Variants in KIF27 observed in about 807,000 individuals in gnomAD.
The protein encoded by KIF27 is kinesin family member 27.
Under a neutral mutation model 141.8 loss-of-function variants are expected in KIF27, and 84 were observed. That is an observed-to-expected ratio of 0.59 (90% CI 0.50 to 0.71). The LOEUF (loss-of-function observed/expected upper bound fraction) is 0.71. Among genes scored for constraint, KIF27 ranks in the 30% least tolerant of loss-of-function variants. KIF27 has a pLI of 0.00. For synonymous variants in KIF27, 471 were observed against 569.5 expected (o/e 0.83, Z 2.46); for missense variants, 1,306 against 1,628.4 (o/e 0.80, Z 3.41).
chr9:83,851,510 C>T (rs1047405652), intron 15 of KIF27, among the ~76,000 whole-genome samples: 4 of 152,128 alleles, frequency 2.6e-5, no homozygotes, highest in African/African-American at 9.7e-5. Flanking sequence ...TGCCATCATG[C>T]CTGGCTAAGT....
At chr9:83,874,743 G>A (rs564565054) in intron 11 of KIF27, among the ~76,000 whole-genome samples, 1 of 151,946 alleles carries the variant, frequency 6.6e-6, no homozygotes, top group Non-Finnish European at 1.5e-5. Context: ...AGATCAGCCT[G>A]GGCAATATAG....
rs1349134683 is a variant in KIF27, at chr9:83,835,136, T to G, written c.*1865A>C. Among the ~76,000 whole-genome samples the G allele has an allele frequency of 1.3e-5, 2 of 150,028 alleles. No homozygotes were observed. Among genetic ancestry groups the G allele is most frequent in the African/African-American group, 4.9e-5 (2 of 41,090 alleles). On this transcript the variant is annotated 3_prime_UTR_variant, in exon 18 of 18. Coordinates refer to ENST00000297814, the MANE Select transcript of KIF27 (RefSeq NM_017576.4). Reference sequence around the variant, plus strand: ...TTTTACTTATGGAAATACAAACACATTTCCTTATATACTTGTATATGTACA... The same window carrying G: ...TTTTACTTATGGAAATACAAACACAGTTCCTTATATACTTGTATATGTACA...
chr9:83,842,712 C>T lies in KIF27; in HGVS notation c.3557-311G>A, dbSNP rs547160735. 2.0e-5 allele frequency among the ~76,000 whole-genome samples: 3 copies of T among 152,176 alleles called. No individual in the cohort carries two copies. In the East Asian group the frequency reaches 5.8e-4, roughly 29 times the overall value. On this transcript the variant is annotated intron_variant, in intron 16 of 17. Transcript: ENST00000297814. Reference sequence around the variant, plus strand: ...CGATCTCCTGACCTCGTGATCCGCCCGCCTCGGCCTCCCAAAGTGCTGGGA... The same window carrying T: ...CGATCTCCTGACCTCGTGATCCGCCTGCCTCGGCCTCCCAAAGTGCTGGGA...
At chr9:83,901,218 C>T (rs1449483047) in intron 4 of KIF27, among the ~76,000 whole-genome samples, 1 of 152,214 alleles carries the variant, frequency 6.6e-6, no homozygotes, top group Non-Finnish European at 1.5e-5. Context: ...GCCTCAGCCT[C>T]CCAAAGTGCT....
At chr9:83,856,261 A>G (rs1317074674) in intron 14 of KIF27, among the ~76,000 whole-genome samples, 1 of 152,116 alleles carries the variant, frequency 6.6e-6, no homozygotes, top group Non-Finnish European at 1.5e-5. Flanking sequence ...AAAATGAAAC[A>G]AAAAACTAAC....
intron 9 of KIF27, among the ~76,000 whole-genome samples, chr9:83,886,172 T>C (rs1389350307): frequency 1.3e-5 from 2 of 152,132 alleles, no homozygotes; most frequent in Non-Finnish European, 2.9e-5. Flanking sequence ...GGTTTCTCCA[T>C]TCCCAAGATT....
chr9:83,844,368 A>G (rs183135360), intron 16 of KIF27, among the ~76,000 whole-genome samples: 1 of 151,900 alleles, frequency 6.6e-6, no homozygotes, highest in African/African-American at 2.4e-5. Flanking sequence ...CTATATCTAT[A>G]TCTATATATC....
At chr9:83,902,318 T>C (rs1337638378) in intron 4 of KIF27, among the ~76,000 whole-genome samples, 2 of 152,192 alleles carry the variant, frequency 1.3e-5, no homozygotes, top group Non-Finnish European at 2.9e-5. Flanking sequence ...AACCATGTTG[T>C]CTCAGGAACA....
chr9:83,879,120 T>G (rs1951466466), intron 11 of KIF27, among the ~76,000 whole-genome samples: 1 of 150,180 alleles, frequency 6.7e-6, no homozygotes, highest in Non-Finnish European at 1.5e-5. Flanking sequence ...GGAGGTTGTG[T>G]TGAGCCGAGA....
chr9:83,914,106 A>AT (rs150526997), intron 2 of KIF27, among the ~76,000 whole-genome samples: 2,397 of 148,892 alleles, frequency 0.016, 79 homozygotes, highest in African/African-American at 0.056. Flanking sequence ...CTTAATAATA[A>AT]AAAAAAAAGA....
At chr9:83,854,545 A>ATTTT in intron 14 of KIF27, among the ~76,000 whole-genome samples, 2 of 152,106 alleles carry the variant, frequency 1.3e-5, no homozygotes, top group African/African-American at 4.8e-5. Context: ...CTGTAGGAAA[A>ATTTT]CCTACAAGTT....
intron 6 of KIF27, 30 bp downstream of exon 6, chr9:83,891,265 C>A (rs755740413): frequency 1.9e-6 from 3 of 1,591,088 alleles, no homozygotes; most frequent in South Asian, 1.1e-5. Flanking sequence ...TTTTAATCTC[C>A]AAATAAGGAA....
At position 83,834,663 on chromosome 9, in the gene KIF27, G is replaced by A. The variant is rs993220548; in HGVS notation, c.*2338C>T. Among the ~76,000 whole-genome samples the A allele has an allele frequency of 3.3e-5, 5 of 151,480 alleles. No homozygotes were observed. Among genetic ancestry groups the A allele is most frequent in the Non-Finnish European group, 7.4e-5 (5 of 67,822 alleles). ...CTTAAATGAATTATTCCTAAATAAC[G>A]CATAGCACATTACTTAATCTTATAA... On this transcript the variant is annotated 3_prime_UTR_variant, in exon 18 of 18. Coordinates refer to ENST00000297814, the MANE Select transcript of KIF27 (RefSeq NM_017576.4).
chr9:83,895,743 C>T (rs1163849156), intron 5 of KIF27, among the ~76,000 whole-genome samples: 2 of 151,924 alleles, frequency 1.3e-5, no homozygotes, highest in Non-Finnish European at 2.9e-5. Flanking sequence ...AAAGAATTTA[C>T]AGATAAAATA....
intron 3 of KIF27, among the ~76,000 whole-genome samples, chr9:83,907,126 T>C (rs1162430632): frequency 6.6e-6 from 1 of 151,010 alleles, no homozygotes; most frequent in East Asian, 2.0e-4. Flanking sequence ...CTGTCTCTAC[T>C]AAAAATACAA....
chr9:83,878,816 AATAG>A (rs1413199162), intron 11 of KIF27, among the ~76,000 whole-genome samples: 4 of 152,094 alleles, frequency 2.6e-5, no homozygotes, highest in African/African-American at 7.2e-5. Flanking sequence ...ATGTTTTGGA[AATAG>A]ATAGTGGTGA....
Position 83,851,586 on chromosome 9 carries a change from C to G in KIF27, c.3358-1289G>C, listed in dbSNP as rs577404307. 2.6e-5 allele frequency among the ~76,000 whole-genome samples: 4 copies of G among 152,188 alleles called. No individual in the cohort carries two copies. In the South Asian group the frequency reaches 8.3e-4, roughly 32 times the overall value. ...GCCCAAGCTGGTCTTGAATTCCTGGCCTCAAGTGATCCTACTGCCTTGGTG... is the reference window on the plus strand; with the variant it reads ...GCCCAAGCTGGTCTTGAATTCCTGGGCTCAAGTGATCCTACTGCCTTGGTG... On this transcript the variant is annotated intron_variant, in intron 15 of 17. Transcript: ENST00000297814.
At chr9:83,853,585 G>C (rs776353624) in intron 15 of KIF27, 44 bp downstream of exon 15, 5 of 1,329,400 alleles carry the variant, frequency 3.8e-6, no homozygotes, top group Admixed American at 1.7e-5. Flanking sequence ...TAAGCATCTT[G>C]ACCCATCTTT....
chr9:83,884,422 A>G (rs1165246533), intron 9 of KIF27, among the ~76,000 whole-genome samples: 1 of 152,166 alleles, frequency 6.6e-6, no homozygotes, highest in African/African-American at 2.4e-5. Context: ...CCTTTTTTAA[A>G]TTATTATGAA....
Sources: allele counts gnomAD v4.1 joint callset (sites outside exome capture counted in the v4.1 genomes callset), GRCh38; gene constraint gnomAD v4.1.1; transcripts MANE v1.5; gene names NCBI Gene and HGNC (gene_info 2026-07-23, HGNC 2026-07-21).